Variants in SLC4A10 observed in about 807,000 individuals in gnomAD.
SLC4A10 encodes solute carrier family 4 member 10.
Under a neutral mutation model 137.7 loss-of-function variants are expected in SLC4A10, and 42 were observed. The ratio of observed to expected loss-of-function variants is 0.30; its 90% CI spans 0.24 to 0.39. The LOEUF (loss-of-function observed/expected upper bound fraction) is 0.39, where lower values mean the gene tolerates loss of function less well. Ranked by LOEUF, SLC4A10 falls within the 10% of genes least tolerant of loss-of-function variation. The pLI is 1.00. For missense variants in SLC4A10, 925 were observed against 1,355.0 expected, an observed-to-expected ratio of 0.68 and a Z score of 4.98; for synonymous variants, 474 against 464.1, an observed-to-expected ratio of 1.02 and a Z score of -0.27.
chr2:161,838,252 T>C (rs965352450), intron 3 of SLC4A10, among the ~76,000 whole-genome samples: 6 of 149,822 alleles, frequency 4.0e-5, no homozygotes, highest in African/African-American at 7.4e-5. Flanking sequence ...TGGTATGATA[T>C]TGGAACAATT....
chr2:161,653,200 A>G (rs1574121437), intron 1 of SLC4A10, among the ~76,000 whole-genome samples: 1 of 152,174 alleles, frequency 6.6e-6, no homozygotes, highest in East Asian at 1.9e-4. Context: ...TTATGGCTGC[A>G]TGGTATTCCA....
chr2:161,827,622 GGC>G (rs1336232419), intron 3 of SLC4A10, among the ~76,000 whole-genome samples: 36 of 150,734 alleles, frequency 2.4e-4, no homozygotes, highest in African/African-American at 7.6e-4. Context: ...GGAGTGCAGT[GGC>G]GCGCGATCTC....
chr2:161,889,699 T>C (rs1483924649), intron 10 of SLC4A10, among the ~76,000 whole-genome samples: 1 of 152,106 alleles, frequency 6.6e-6, no homozygotes, highest in African/African-American at 2.4e-5. Flanking sequence ...CTGGCTAGCA[T>C]CTATCTATTT....
chr2:161,744,068 C>T (rs2048176309), intron 1 of SLC4A10, among the ~76,000 whole-genome samples: 1 of 152,010 alleles, frequency 6.6e-6, no homozygotes, highest in Admixed American at 6.6e-5. Context: ...ATAAAATAAT[C>T]TGCAAAGAAG....
Position 161,950,721 on chromosome 2 carries a change from CT to C in SLC4A10, c.2417del (p.Leu806Ter). The C allele has an allele frequency of 1.3e-6, 2 of 1,593,840 alleles. No homozygotes were observed. Among genetic ancestry groups the C allele is most frequent in the Admixed American group, 1.7e-5 (1 of 57,258 alleles). ...GATGATCGTGGCTGGTTTGTTACGC[CT>C]TTAGGTCCAAACCCATGGTGGACAG... ...TRDDRGWFVT[P>X]LGPNPWWTVI... On this transcript the variant is annotated frameshift_variant, in exon 19 of 27. Transcript: ENST00000446997. LOFTEE classifies it high-confidence loss of function.
chr2:161,650,487 C>T (rs953067331), intron 1 of SLC4A10, among the ~76,000 whole-genome samples: 1 of 151,506 alleles, frequency 6.6e-6, no homozygotes, highest in Non-Finnish European at 1.5e-5. Flanking sequence ...TGCCCTCTAC[C>T]GAGTTTACTG....
chr2:161,727,085 C>A (rs2046316122), intron 1 of SLC4A10, among the ~76,000 whole-genome samples: 1 of 152,196 alleles, frequency 6.6e-6, no homozygotes, highest in Non-Finnish European at 1.5e-5. Flanking sequence ...TTCAAATTTG[C>A]TTTGGACTAT....
intron 1 of SLC4A10, among the ~76,000 whole-genome samples, chr2:161,632,548 T>G (rs1484456709): frequency 6.6e-6 from 1 of 151,660 alleles, no homozygotes; most frequent in African/African-American, 2.4e-5. Context: ...TAAATGTCTG[T>G]TAAAAACATG....
chr2:161,941,845 G>A (rs1452398569), intron 15 of SLC4A10, among the ~76,000 whole-genome samples: 1 of 152,182 alleles, frequency 6.6e-6, no homozygotes, highest in Non-Finnish European at 1.5e-5. Context: ...CAGGAGCTCA[G>A]TTTTTAAGGT....
intron 18 of SLC4A10, among the ~76,000 whole-genome samples, chr2:161,949,805 T>C (rs1304125172): frequency 2.0e-5 from 3 of 152,002 alleles, no homozygotes; most frequent in Non-Finnish European, 2.9e-5. Flanking sequence ...TTATGTTTCA[T>C]ATATACCTTA....
At chr2:161,749,927 T>A (rs2048786550) in intron 1 of SLC4A10, among the ~76,000 whole-genome samples, 1 of 151,942 alleles carries the variant, frequency 6.6e-6, no homozygotes, top group Non-Finnish European at 1.5e-5. Context: ...TACTTTATTA[T>A]CTTTATTATT....
chr2:161,725,723 C>A (rs529109592), intron 1 of SLC4A10, among the ~76,000 whole-genome samples: 1 of 152,268 alleles, frequency 6.6e-6, no homozygotes, highest in East Asian at 1.9e-4. Flanking sequence ...GGATTTATAA[C>A]CTTTGAAATC....
At chr2:161,793,254 T>A (rs1289436565) in intron 2 of SLC4A10, among the ~76,000 whole-genome samples, 2 of 152,200 alleles carry the variant, frequency 1.3e-5, no homozygotes, top group African/African-American at 4.8e-5. Flanking sequence ...TAAATATAGC[T>A]AATTAACATA....
At chr2:161,908,364 T>C (rs62188823) in intron 15 of SLC4A10, among the ~76,000 whole-genome samples, 13,330 of 142,482 alleles carry the variant, frequency 0.094, 644 homozygotes, top group East Asian at 0.14. Flanking sequence ...CATGTTCTCA[T>C]TCATAGGTGG....
At chr2:161,739,426 C>G (rs2125235308) in intron 1 of SLC4A10, among the ~76,000 whole-genome samples, 1 of 152,264 alleles carries the variant, frequency 6.6e-6, no homozygotes, top group Middle Eastern at 3.4e-3. Flanking sequence ...AGGAGATTTT[C>G]TTGCCTACTA....
chr2:161,884,871 T>C (rs1184557088), intron 10 of SLC4A10, among the ~76,000 whole-genome samples: 1 of 152,210 alleles, frequency 6.6e-6, no homozygotes, highest in Non-Finnish European at 1.5e-5. Flanking sequence ...CTAATTGCTT[T>C]GAAGGCTATT....
intron 2 of SLC4A10, among the ~76,000 whole-genome samples, chr2:161,798,043 C>A (rs138570689): frequency 6.6e-6 from 1 of 152,082 alleles, no homozygotes; most frequent in Non-Finnish European, 1.5e-5. Context: ...GGCACAGTAG[C>A]CTAGTAATAC....
intron 1 of SLC4A10, among the ~76,000 whole-genome samples, chr2:161,733,721 G>T (rs1029349649): frequency 6.6e-6 from 1 of 152,170 alleles, no homozygotes; most frequent in African/African-American, 2.4e-5. Context: ...GGCAGCTTGC[G>T]CAGTGTGCCT....
intron 1 of SLC4A10, chr2:161,708,726 G>T (rs2043955164): frequency 3.3e-6 from 5 of 1,529,384 alleles, no homozygotes; most frequent in East Asian, 2.5e-5. Flanking sequence ...AGATGGCTGT[G>T]ATTATCTTTT....
Sources: allele counts gnomAD v4.1 joint callset (sites outside exome capture counted in the v4.1 genomes callset), GRCh38; gene constraint gnomAD v4.1.1; transcripts MANE v1.5; gene names NCBI Gene and HGNC (gene_info 2026-07-23, HGNC 2026-07-21).